NDUFB7: variants seen among roughly 807,000 people sequenced by gnomAD.
NDUFB7 encodes NADH dehydrogenase [ubiquinone] 1 beta subcomplex subunit 7.
In NDUFB7, 18 loss-of-function variants were observed where a neutral mutation model predicts 14.7. The ratio of observed to expected loss-of-function variants is 1.22; its 90% CI spans 0.85 to 1.81. NDUFB7 has a LOEUF of 1.81. NDUFB7 is among the 40% of genes most tolerant of loss of function. The pLI is 0.00. For synonymous variants in NDUFB7, 86 were observed against 76.1 expected (o/e 1.13, Z -0.68); for missense variants, 219 against 195.0 (o/e 1.12, Z -0.73).
Position 14,566,860 on chromosome 19 carries a change from G to C in NDUFB7, c.186C>G (p.His62Gln). ...GCTTGCACTTGAGCAGCCGGATGAGGTGGTGGGCGCAGTAGTCCCGCAGCT... is the reference window on the plus strand; with the variant it reads ...GCTTGCACTTGAGCAGCCGGATGAGCTGGTGGGCGCAGTAGTCCCGCAGCT... ...RLQLRDYCAH[H>Q]LIRLLKCKRD... The change falls in exon 2 of 3, where the codon CAC becomes CAG. Residue 62 changes from histidine to glutamine, a missense_variant. Coordinates refer to ENST00000215565, the MANE Select transcript of NDUFB7 (RefSeq NM_004146.6). 1 of 1,571,792 alleles carries C rather than the reference G, an allele frequency of 6.4e-7. No homozygotes were observed. The highest frequency in any genetic ancestry group is 8.6e-7 in the Non-Finnish European group (1 of 1,160,926).
At chr19:14,568,903 G>A (rs1461292519) in intron 1 of NDUFB7, among the ~76,000 whole-genome samples, 2 of 152,072 alleles carry the variant, frequency 1.3e-5, no homozygotes, top group South Asian at 2.1e-4. Context: ...GGCCAGGCGC[G>A]GTGGCTCACG....
rs113256340 is a variant in NDUFB7 at position 14,567,452 on chromosome 19, C to T, written c.113-519G>A. On this transcript the variant is annotated intron_variant, in intron 1 of 2. Coordinates refer to ENST00000215565, the MANE Select transcript of NDUFB7 (RefSeq NM_004146.6). This position sits in a 1 kb window ranked among gnomAD's most constrained non-coding sequence, Gnocchi z 5.1. ...CTGACCATCCGGTCATGGAAGTTACCCGAGCATCCACTGAGCTAACAGTAC... is the reference window on the plus strand; with the variant it reads ...CTGACCATCCGGTCATGGAAGTTACTCGAGCATCCACTGAGCTAACAGTAC... Among the ~76,000 whole-genome samples the T allele has an allele frequency of 4.6e-3, 696 of 152,246 alleles. 11 individuals are homozygous for T. The highest frequency in any genetic ancestry group is 0.016 in the African/African-American group (663 of 41,524).
At chr19:14,568,313 G>A (rs570190167) in intron 1 of NDUFB7, among the ~76,000 whole-genome samples, 1 of 152,292 alleles carries the variant, frequency 6.6e-6, no homozygotes, top group South Asian at 2.1e-4. Flanking sequence ...CCAAAGTGCT[G>A]GGATTACAGG....
At chr19:14,570,587 T>C (rs1458643590) in intron 1 of NDUFB7, among the ~76,000 whole-genome samples, 1 of 152,202 alleles carries the variant, frequency 6.6e-6, no homozygotes, top group Non-Finnish European at 1.5e-5. Flanking sequence ...TCTGCCCGCC[T>C]TAGCCTCCCA....
At chr19:14,566,723 G>C (rs2074090294) in intron 2 of NDUFB7, 42 bp downstream of exon 2, 10 of 1,506,574 alleles carry the variant, frequency 6.6e-6, no homozygotes, top group Non-Finnish European at 8.8e-6. Context: ...GGTATGGGGT[G>C]TTGCGGGCCG....
Position 14,566,859 on chromosome 19 carries a change from G to C in NDUFB7, c.187C>G (p.Leu63Val), listed in dbSNP as rs561210230. ...LQLRDYCAHH[L>V]IRLLKCKRDS... Reference sequence around the variant, plus strand: ...CGCTTGCACTTGAGCAGCCGGATGAGGTGGTGGGCGCAGTAGTCCCGCAGC... The same window carrying C: ...CGCTTGCACTTGAGCAGCCGGATGACGTGGTGGGCGCAGTAGTCCCGCAGC... The change falls in exon 2 of 3, where the codon CTC (leucine) becomes GTC (valine). Residue 63 changes from leucine (L) to valine (V), a missense_variant. Leu to Val is a conservative substitution (Grantham distance 32). Transcript: ENST00000215565. The C allele has an allele frequency of 2.2e-4, 353 of 1,571,220 alleles. 1 individual carries two copies. In the South Asian group the frequency reaches 3.8e-3, roughly 17 times the overall value.
In NDUFB7 at chr19:14,566,952, G is replaced by A. The variant is rs1029108953; in HGVS notation, c.113-19C>T. ...ACCATCTCTGCAGGGAGTGGGCGGG[G>A]CTCAACCAGGCTGGAGGCTCCCCAC... On this transcript the variant is annotated intron_variant, in intron 1 of 2. Coordinates refer to ENST00000215565, the MANE Select transcript of NDUFB7 (RefSeq NM_004146.6). 23 of 1,560,576 alleles carry A rather than the reference G, an allele frequency of 1.5e-5. No homozygotes were observed. Among genetic ancestry groups the A allele is most frequent in the Non-Finnish European group, 1.9e-5 (22 of 1,156,648 alleles).
rs1251232607 is a variant in NDUFB7, at chr19:14,569,566, G to A, written c.112+2323C>T. On this transcript the variant is annotated intron_variant, in intron 1 of 2. Transcript: ENST00000215565. Reference sequence around the variant, plus strand: ...CCAGAGTAAGCAAGAGAGAAGGGCAGCAGGTTGCTAGCGTTTGCAAAGCTG... The same window carrying A: ...CCAGAGTAAGCAAGAGAGAAGGGCAACAGGTTGCTAGCGTTTGCAAAGCTG... 5.9e-5 allele frequency among the ~76,000 whole-genome samples: 9 copies of A among 152,226 alleles called. No homozygotes were observed. The South Asian group carries it at 1.9e-3, about 31-fold the overall frequency.
intron 1 of NDUFB7, among the ~76,000 whole-genome samples, 166 bp downstream of exon 1, chr19:14,571,723 A>G (rs2074125999): frequency 6.6e-6 from 1 of 152,128 alleles, no homozygotes; most frequent in African/African-American, 2.4e-5. Flanking sequence ...GAACGCCTCC[A>G]CACTGAGGTG....
At chr19:14,571,496 C>T (rs1395019157) in intron 1 of NDUFB7, among the ~76,000 whole-genome samples, 1 of 152,028 alleles carries the variant, frequency 6.6e-6, no homozygotes, top group African/African-American at 2.4e-5. Flanking sequence ...ACTCGCGAGG[C>T]TGAGGCAGGA....
rs1205079306 is a variant in NDUFB7, at chr19:14,566,939, G to A, written c.113-6C>T. On this transcript the variant is annotated splice_region_variant and splice_polypyrimidine_tract_variant and intron_variant, in intron 1 of 2. Transcript: ENST00000215565. Reference sequence around the variant, plus strand: ...CTGCTGTGTGGCCACCATCTCTGCAGGGAGTGGGCGGGGCTCAACCAGGCT... The same window carrying A: ...CTGCTGTGTGGCCACCATCTCTGCAAGGAGTGGGCGGGGCTCAACCAGGCT... 2.5e-6 allele frequency: 4 copies of A among 1,574,278 alleles called. No individual in the cohort carries two copies. The highest frequency in any genetic ancestry group is 3.4e-6 in the Non-Finnish European group (4 of 1,164,724).
At chr19:14,571,031 T>C (rs1279039181) in intron 1 of NDUFB7, among the ~76,000 whole-genome samples, 1 of 151,656 alleles carries the variant, frequency 6.6e-6, no homozygotes, top group East Asian at 1.9e-4. Context: ...CCTGGGGCGC[T>C]CCTGTAGTCC....
rs758698988 is a variant in NDUFB7, at chr19:14,566,889, G to A, written c.157C>T (p.Leu53Phe). 3 of 1,582,094 alleles carry A rather than the reference G, an allele frequency of 1.9e-6. No homozygotes were observed. Among genetic ancestry groups the A allele is most frequent in the Non-Finnish European group, 2.6e-6 (3 of 1,167,424 alleles). ...QQEMMDAQLR[L>F]QLRDYCAHHL... ...TGGGCGCAGTAGTCCCGCAGCTGGA[G>A]CCTCAGCTGCGCGTCCATCATCTCC... Residue 53 changes from leucine to phenylalanine, a missense_variant, in exon 2 of 3, where the codon CTC (leucine) becomes TTC (phenylalanine). Coordinates refer to ENST00000215565, the MANE Select transcript of NDUFB7 (RefSeq NM_004146.6).
At chr19:14,568,616 A>G (rs11085898) in intron 1 of NDUFB7, among the ~76,000 whole-genome samples, 86,436 of 151,992 alleles carry the variant, frequency 0.57, 24,857 homozygotes, top group African/African-American at 0.64. Context: ...CCCTGCCCTC[A>G]GAGGGAGACA....
In NDUFB7 at chr19:14,567,416, C is replaced by CTG. The variant is rs2074098434; in HGVS notation, c.113-484_113-483insCA. On this transcript the variant is annotated intron_variant, in intron 1 of 2. Transcript: ENST00000215565. The surrounding 1 kb of genome is among the most constrained non-coding windows in gnomAD (Gnocchi z 5.1). ...CTGGCCGGCGGCGTGGCCTCTCTCT[C>CTG]AGCCTCAGAACTGACCATCCGGTCA... 6.6e-6 allele frequency among the ~76,000 whole-genome samples: 1 copy of CTG among 151,584 alleles called. No homozygotes were observed. The highest frequency in any genetic ancestry group is 6.6e-5 in the Admixed American group (1 of 15,214).
Position 14,566,902 on chromosome 19 carries a change from G to A in NDUFB7, c.144C>T (p.Asp48=), listed in dbSNP as rs148599817. 684 of 1,585,448 alleles carry A rather than the reference G, an allele frequency of 4.3e-4. 2 individuals are homozygous for A. The highest frequency in any genetic ancestry group is 7.9e-4 in the Admixed American group (45 of 56,900). ...EMVATQQEMM[D]AQLRLQLRDY... Reference sequence around the variant, plus strand: ...CCCGCAGCTGGAGCCTCAGCTGCGCGTCCATCATCTCCTGCTGTGTGGCCA... The same window carrying A: ...CCCGCAGCTGGAGCCTCAGCTGCGCATCCATCATCTCCTGCTGTGTGGCCA... Residue 48 remains aspartate (D), a synonymous_variant, in exon 2 of 3, where the codon GAC becomes GAT. Coordinates refer to ENST00000215565, the MANE Select transcript of NDUFB7 (RefSeq NM_004146.6).
At chr19:14,566,978 C>T in intron 1 of NDUFB7, 45 bp from the exon 2 acceptor site, 1 of 1,524,676 alleles carries the variant, frequency 6.6e-7, no homozygotes, top group African/African-American at 1.4e-5. Flanking sequence ...GGCTCCCCAC[C>T]CCAATTCCGG....
At chr19:14,569,188 G>C (rs2074110373) in intron 1 of NDUFB7, among the ~76,000 whole-genome samples, 3 of 152,188 alleles carry the variant, frequency 2.0e-5, no homozygotes, top group South Asian at 4.2e-4. Context: ...ATCTAGGAGG[G>C]AGGGAGAGAG....
At chr19:14,570,992 C>T (rs1323510458) in intron 1 of NDUFB7, among the ~76,000 whole-genome samples, 1 of 151,592 alleles carries the variant, frequency 6.6e-6, no homozygotes, top group Non-Finnish European at 1.5e-5. Context: ...ACCCCCAACT[C>T]TACAAAAAAT....
Sources: gnomAD v4.1 joint callset for allele counts (sites outside exome capture counted in the v4.1 genomes callset) on GRCh38, gnomAD v4.1.1 for gene constraint, Gnocchi (gnomAD v3.1) non-coding constraint, MANE v1.5 for transcripts, NCBI Gene and HGNC (gene_info 2026-07-23, HGNC 2026-07-21) for gene names.